CDH19: variants seen among roughly 807,000 people sequenced by gnomAD.
CDH19 encodes cadherin-19.
A neutral mutation model predicts 64.2 loss-of-function variants in CDH19; 67 were observed. The observed-to-expected ratio is 1.04, with a 90% CI of 0.86 to 1.28. The LOEUF (loss-of-function observed/expected upper bound fraction) is 1.28, where lower values mean the gene tolerates loss of function less well. Among genes scored for constraint, CDH19 ranks in the 50% most tolerant of loss-of-function variants. The pLI, the probability that CDH19 is intolerant of heterozygous loss-of-function variation, is 0.00. For synonymous variants in CDH19, 346 were observed against 319.3 expected, an observed-to-expected ratio of 1.08 and a Z score of -0.89; for missense variants, 1,030 against 929.0, an observed-to-expected ratio of 1.11 and a Z score of -1.41.
Position 66,504,653 on chromosome 18 carries a change from G to C in CDH19, c.*159C>G, listed in dbSNP as rs1327833548. The C allele has an allele frequency of 4.9e-6, 3 of 616,422 alleles. No homozygotes were observed. The highest frequency in any genetic ancestry group is 8.0e-6 in the Non-Finnish European group (3 of 373,152). The allele number at this position is 616,422 out of a possible 1,614,324, so 38.2% of individuals were successfully genotyped here. The stretch of plus-strand genomic sequence containing the variant: ...ATCTCTGTTCAATGACAGCATGTAG[G>C]TAGCTTAAAATAACCATGGAGTATT... On this transcript the variant is annotated 3_prime_UTR_variant, in exon 12 of 12. Coordinates refer to ENST00000262150, the MANE Select transcript of CDH19 (RefSeq NM_021153.4).
chr18:66,536,098 C>T lies in CDH19; in HGVS notation c.1215-991G>A, dbSNP rs1052374548. The stretch of plus-strand genomic sequence containing the variant: ...GAAGACTTCGAAATACTCAGCATGT[C>T]TCATCTATGTGGAAACAATTAATAA... On this transcript the variant is annotated intron_variant, in intron 7 of 11. Coordinates refer to ENST00000262150, the MANE Select transcript of CDH19 (RefSeq NM_021153.4). Among the ~76,000 whole-genome samples, 11 of 149,986 alleles carry T rather than the reference C, an allele frequency of 7.3e-5. 1 individual carries two copies. The South Asian group carries it at 2.3e-3, about 31-fold the overall frequency.
At chr18:66,549,212 C>T (rs1276295788) in intron 5 of CDH19, among the ~76,000 whole-genome samples, 2 of 151,876 alleles carry the variant, frequency 1.3e-5, no homozygotes, top group Non-Finnish European at 2.9e-5. Flanking sequence ...CTAATTTATT[C>T]AAAATATTTT....
rs558639583 is a variant in CDH19 at position 66,543,249 on chromosome 18, G to A, written c.1214+722C>T. On this transcript the variant is annotated intron_variant, in intron 7 of 11. Coordinates refer to ENST00000262150, the MANE Select transcript of CDH19 (RefSeq NM_021153.4). ...TTCACATGTTAGCCAGGATGGTCTC[G>A]ATCTCCTGACCTCGTGATCCGCCCG... is the stretch of plus-strand genomic sequence containing the variant. 3.7e-4 allele frequency among the ~76,000 whole-genome samples: 56 copies of A among 152,032 alleles called. 1 individual carries two copies. The East Asian group carries it at 4.1e-3, about 11-fold the overall frequency.
chr18:66,551,219 T>G lies in CDH19; in HGVS notation c.650A>C (p.Gln217Pro). The G allele has an allele frequency of 6.4e-7, 1 of 1,563,146 alleles. No individual in the cohort carries two copies. The highest frequency in any genetic ancestry group is 8.8e-7 in the Non-Finnish European group (1 of 1,134,334). ...TTGAATGATTACCCAATACTCATCT[T>G]GCAGTTCTCTATCCATTTTAGAAGA... ...RISSKMDRELQDEYWVIIQAK... is the reference protein window; with the variant it reads ...RISSKMDRELPDEYWVIIQAK... Residue 217 changes from glutamine (Q) to proline (P), a missense_variant, in exon 5 of 12, where the codon CAA becomes CCA. Physicochemically the swap from Gln to Pro is moderately conservative, Grantham distance 76. Coordinates refer to ENST00000262150, the MANE Select transcript of CDH19 (RefSeq NM_021153.4).
chr18:66,534,079 C>T (rs943430507), intron 8 of CDH19, among the ~76,000 whole-genome samples: 2 of 150,982 alleles, frequency 1.3e-5, no homozygotes, highest in African/African-American at 4.9e-5. Flanking sequence ...CTTGTTCCAA[C>T]AAGTTTTTCC....
chr18:66,505,065 C>A lies in CDH19; in HGVS notation c.2066G>T (p.Gly689Val). The change falls in exon 12 of 12, where the codon GGC (glycine) becomes GTC (valine). Residue 689 changes from glycine (G) to valine (V), a missense_variant. Physicochemically the swap from Gly to Val is moderately radical, Grantham distance 109. Coordinates refer to ENST00000262150, the MANE Select transcript of CDH19 (RefSeq NM_021153.4). ...RSLYRQSLQVGPDSAIFRKFI... is the reference protein window; with the variant it reads ...RSLYRQSLQVVPDSAIFRKFI... ...TTTCCTGAATATGGCACTGTCGGGG[C>A]CAACTTGCAAAGACTGCCTGTATAG... The A allele has an allele frequency of 6.2e-7, 1 of 1,613,746 alleles. No individual in the cohort carries two copies. The highest frequency in any genetic ancestry group is 8.5e-7 in the Non-Finnish European group (1 of 1,179,788).
At chr18:66,586,779 GAAGC>G (rs1358754366) in intron 1 of CDH19, among the ~76,000 whole-genome samples, 1 of 151,990 alleles carries the variant, frequency 6.6e-6, no homozygotes, top group Non-Finnish European at 1.5e-5. Context: ...GTTAAACACA[GAAGC>G]AAGAAAATTA....
In CDH19 at chr18:66,572,048, G is replaced by C; in HGVS notation, c.157C>G (p.Pro53Ala). ...TGACTAGTCGTATTCATTTCCTCTG[G>C]TACAAAAAATTGGTTCCACACCCAG... ...RGWVWNQFFVPEEMNTTSHHI... is the reference protein window; with the variant it reads ...RGWVWNQFFVAEEMNTTSHHI... The change falls in exon 2 of 12, where the codon CCA becomes GCA. Residue 53 changes from proline to alanine, a missense_variant. Pro to Ala is a conservative substitution (Grantham distance 27). Transcript: ENST00000262150. 6.2e-7 allele frequency: 1 copy of C among 1,610,844 alleles called. No individual in the cohort carries two copies. Among genetic ancestry groups the C allele is most frequent in the South Asian group, 1.1e-5 (1 of 90,968 alleles).
chr18:66,572,509 C>A (rs554472218), intron 1 of CDH19, among the ~76,000 whole-genome samples, 193 bp from the exon 2 acceptor site: 1 of 151,662 alleles, frequency 6.6e-6, no homozygotes, highest in Non-Finnish European at 1.5e-5. Context: ...TTATAAATTT[C>A]CACTCAGGCA....
At chr18:66,518,003 A>G (rs1985813825) in intron 9 of CDH19, among the ~76,000 whole-genome samples, 1 of 151,834 alleles carries the variant, frequency 6.6e-6, no homozygotes, top group African/African-American at 2.4e-5. Context: ...TACTTTATAT[A>G]TTGTATGAAA....
Position 66,572,235 on chromosome 18 carries a change from T to A in CDH19, c.-31A>T. 3 of 1,555,984 alleles carry A rather than the reference T, an allele frequency of 1.9e-6. No homozygotes were observed. The highest frequency in any genetic ancestry group is 3.5e-4 in the Middle Eastern group (2 of 5,756). On this transcript the variant is annotated 5_prime_UTR_variant, in exon 2 of 12. Coordinates refer to ENST00000262150, the MANE Select transcript of CDH19 (RefSeq NM_021153.4). ...TGACTCTTTTGATTCCAACTATTAC[T>A]CTTCAGAGGAAACAGGACGTCACTA...
At chr18:66,549,058 A>G (rs1000881154) in intron 5 of CDH19, among the ~76,000 whole-genome samples, 1 of 152,112 alleles carries the variant, frequency 6.6e-6, no homozygotes, top group African/African-American at 2.4e-5. Flanking sequence ...GATTCCCACA[A>G]GGGAAAACCA....
intron 11 of CDH19, among the ~76,000 whole-genome samples, chr18:66,507,260 G>A (rs771467436): frequency 1.3e-5 from 2 of 148,770 alleles, no homozygotes; most frequent in African/African-American, 2.5e-5. Context: ...ACTGAAGCTA[G>A]GTCCTAAACA....
At chr18:66,547,526 T>C (rs1406126128) in intron 5 of CDH19, among the ~76,000 whole-genome samples, 1 of 152,086 alleles carries the variant, frequency 6.6e-6, no homozygotes, top group African/African-American at 2.4e-5. Flanking sequence ...GTGGTGTTTA[T>C]ATCGAATAAG....
At chr18:66,597,982 G>A (rs1460268972) in intron 1 of CDH19, among the ~76,000 whole-genome samples, 1 of 152,034 alleles carries the variant, frequency 6.6e-6, no homozygotes, top group African/African-American at 2.4e-5. Context: ...CATGGCACAT[G>A]TATACATATG....
intron 9 of CDH19, among the ~76,000 whole-genome samples, chr18:66,526,274 T>G (rs1333845510): frequency 6.6e-6 from 1 of 152,160 alleles, no homozygotes; most frequent in East Asian, 1.9e-4. Context: ...TATGTACATT[T>G]ATAAAAAGTA....
intron 11 of CDH19, 137 bp downstream of exon 11, chr18:66,508,858 C>A: frequency 1.1e-6 from 1 of 906,530 alleles, no homozygotes; most frequent in Non-Finnish European, 1.6e-6. Context: ...CACACAGACC[C>A]ACATTATAAT....
chr18:66,557,087 A>G (rs1013554668), intron 3 of CDH19, among the ~76,000 whole-genome samples: 1 of 151,980 alleles, frequency 6.6e-6, no homozygotes, highest in African/African-American at 2.4e-5. Context: ...AAAATGAAAT[A>G]CACCACTAGT....
chr18:66,583,899 C>G (rs1988497192), intron 1 of CDH19, among the ~76,000 whole-genome samples: 1 of 151,972 alleles, frequency 6.6e-6, no homozygotes, highest in Non-Finnish European at 1.5e-5. Flanking sequence ...TATAAAAACC[C>G]TGGAAGACAA....
Sources: gnomAD v4.1 joint callset for allele counts (sites outside exome capture counted in the v4.1 genomes callset) on GRCh38, gnomAD v4.1.1 for gene constraint, MANE v1.5 for transcripts, NCBI Gene and HGNC (gene_info 2026-07-23, HGNC 2026-07-21) for gene names.